The following C2CD2 variants were observed in gnomAD, a reference collection of about 807,000 sequenced individuals.
The protein encoded by C2CD2 is C2 domain-containing protein 2.
In C2CD2, 43 loss-of-function variants were observed where a neutral mutation model predicts 74.3. The ratio of observed to expected loss-of-function variants is 0.58; its 90% CI spans 0.45 to 0.75. C2CD2 has a LOEUF of 0.75. Among genes scored for constraint, C2CD2 ranks in the 30% least tolerant of loss-of-function variants. The probability of loss-of-function intolerance (pLI) is 0.00; values close to 1 mark genes in which losing one functional copy is unlikely to be tolerated. For missense variants in C2CD2, 801 were observed against 916.3 expected (o/e 0.87, Z 1.63); for synonymous variants, 422 against 390.7 (o/e 1.08, Z -0.94).
intron 6 of C2CD2, among the ~76,000 whole-genome samples, 171 bp downstream of exon 6, chr21:41,914,427 C>G (rs1368027730): frequency 6.6e-6 from 1 of 152,180 alleles, no homozygotes; most frequent in South Asian, 2.1e-4. Context: ...GGATTTTTTA[C>G]CATCTCTTGT....
rs1200675138 is a variant in C2CD2, at chr21:41,932,447, GATA to G, written c.378+9697_378+9699del. ...GGGTTGGGGAAGTCTGCCATCTACA[GATA>G]GTCAGAAGAACGGGGGCAACCCGGA... On this transcript the variant is annotated intron_variant, in intron 2 of 13. Transcript: ENST00000380486. Among the ~76,000 whole-genome samples the G allele has an allele frequency of 8.7e-4, 23 of 26,400 alleles. 2 individuals carry two copies. Among genetic ancestry groups the G allele is most frequent in the Non-Finnish European group, 5.9e-4 (6 of 10,242 alleles). 17.3% of individuals were successfully genotyped at this position (26,400 alleles called of 152,430 possible).
chr21:41,900,988 T>C (rs575910696), intron 12 of C2CD2: 205 of 152,472 alleles, frequency 1.3e-3, no homozygotes, highest in Non-Finnish European at 2.3e-3. Context: ...TCAAAATAAA[T>C]AAATAGATAG....
At position 41,885,661 on chromosome 21, in the gene C2CD2, C is replaced by A. The variant is rs370658783; in HGVS notation, c.*3463G>T. The A allele has an allele frequency of 1.3e-5, 2 of 151,998 alleles. No individual in the cohort carries two copies. The highest frequency in any genetic ancestry group is 3.0e-5 in the Non-Finnish European group (2 of 67,674). The allele number at this position is 151,998 out of a possible 1,614,324, so 9.4% of individuals were successfully genotyped here. The stretch of plus-strand genomic sequence containing the variant: ...ACGTGTCCTGCCTTCCACCATCCAC[C>A]AATTTGTACTCTGAAGTTTCCAGAT... On this transcript the variant is annotated 3_prime_UTR_variant, in exon 14 of 14. Coordinates refer to ENST00000380486, the MANE Select transcript of C2CD2 (RefSeq NM_015500.2).
chr21:41,919,485 A>G (rs147574286), intron 3 of C2CD2, among the ~76,000 whole-genome samples: 1 of 152,196 alleles, frequency 6.6e-6, no homozygotes, highest in East Asian at 1.9e-4. Context: ...CGACAACCAG[A>G]TGCCATCAAA....
intron 5 of C2CD2, among the ~76,000 whole-genome samples, chr21:41,915,989 A>G (rs1485317358): frequency 6.6e-6 from 1 of 152,016 alleles, no homozygotes; most frequent in African/African-American, 2.4e-5. Context: ...GATTTGACTG[A>G]GCACTTCTTC....
Position 41,903,675 on chromosome 21 carries a change from G to A in C2CD2, c.1433-1926C>T, listed in dbSNP as rs954029038. The stretch of plus-strand genomic sequence containing the variant: ...CCAAAGCCACCAAGGGAGACGTGTC[G>A]GGAGCACGTCCTCCTCACGCCAGGC... On this transcript the variant is annotated intron_variant, in intron 11 of 13. Coordinates refer to ENST00000380486, the MANE Select transcript of C2CD2 (RefSeq NM_015500.2). This position sits in a 1 kb window ranked among gnomAD's most constrained non-coding sequence, Gnocchi z 4.5. Among the ~76,000 whole-genome samples, 8 of 152,090 alleles carry A rather than the reference G, an allele frequency of 5.3e-5. No homozygotes were observed. The highest frequency in any genetic ancestry group is 1.0e-4 in the Non-Finnish European group (7 of 68,000).
Position 41,939,883 on chromosome 21 carries a change from C to CCTTGG in C2CD2, c.378+2259_378+2263dup, listed in dbSNP as rs2065340316. On this transcript the variant is annotated intron_variant, in intron 2 of 13. Coordinates refer to ENST00000380486, the MANE Select transcript of C2CD2 (RefSeq NM_015500.2). The surrounding 1 kb of genome is among the most constrained non-coding windows in gnomAD (Gnocchi z 5.5). ...AGTGACCCGCCAGGCTCATGCCTGC[C>CCTTGG]CTTGGGGTCCTCCGGTGCTTGTCTG... Among the ~76,000 whole-genome samples the CCTTGG allele has an allele frequency of 1.3e-5, 2 of 152,154 alleles. No homozygotes were observed. Among genetic ancestry groups the CCTTGG allele is most frequent in the African/African-American group, 4.8e-5 (2 of 41,450 alleles).
At chr21:41,922,147 G>C (rs1000373769) in intron 2 of C2CD2, 62 bp from the exon 3 acceptor site, 2 of 922,390 alleles carry the variant, frequency 2.2e-6, no homozygotes, top group Admixed American at 2.2e-5. Context: ...GCGTGCATAC[G>C]CATCTTCTTC....
In C2CD2 at chr21:41,953,481, C is replaced by T. The variant is rs2065467743; in HGVS notation, c.168G>A (p.Pro56=). The T allele has an allele frequency of 1.4e-6, 2 of 1,481,064 alleles. No homozygotes were observed. Among genetic ancestry groups the T allele is most frequent in the African/African-American group, 1.5e-5 (1 of 68,320 alleles). 91.7% of individuals were successfully genotyped at this position (1,481,064 alleles called of 1,614,324 possible). ...AGAGCAGCGCGTCGGACCCCGGGCG[C>T]GGCCCCTCTCCAGGCTCCACCGCCC... ...QRRAVEPGEG[P]RPGSDALLSW... The change falls in exon 1 of 14, where the codon CCG becomes CCA. Residue 56 remains proline (P), a synonymous_variant. Coordinates refer to ENST00000380486, the MANE Select transcript of C2CD2 (RefSeq NM_015500.2).
chr21:41,901,525 T>C (rs1383236661), intron 12 of C2CD2, 97 bp downstream of exon 12: 1 of 1,279,958 alleles, frequency 7.8e-7, no homozygotes, highest in Admixed American at 1.7e-5. Flanking sequence ...CTCTGGACGT[T>C]AACCAAGTGC....
intron 3 of C2CD2, 88 bp from the exon 4 acceptor site, chr21:41,919,048 GT>G: frequency 1.3e-6 from 1 of 757,060 alleles, no homozygotes; most frequent in Admixed American, 2.2e-5. Context: ...GTGAGCATGT[GT>G]GTGTGCATAT....
At chr21:41,927,186 G>A (rs1308997861) in intron 2 of C2CD2, among the ~76,000 whole-genome samples, 1 of 152,190 alleles carries the variant, frequency 6.6e-6, no homozygotes, top group East Asian at 1.9e-4. Context: ...TTATTTTTGA[G>A]ATGGAGTCTC....
At chr21:41,931,400 A>G (rs567121625) in intron 2 of C2CD2, among the ~76,000 whole-genome samples, 13 of 147,806 alleles carry the variant, frequency 8.8e-5, no homozygotes, top group African/African-American at 3.2e-4. Context: ...CTCCCGAGAG[A>G]TAAGAGCGTC....
chr21:41,891,276 T>G (rs1442585865), intron 13 of C2CD2, among the ~76,000 whole-genome samples: 1 of 151,760 alleles, frequency 6.6e-6, no homozygotes, highest in African/African-American at 2.4e-5. Flanking sequence ...ACAGGCCTAA[T>G]GGCACACCTG....
intron 10 of C2CD2, 53 bp downstream of exon 10, chr21:41,906,939 T>C: frequency 6.9e-7 from 1 of 1,449,298 alleles, no homozygotes; most frequent in Non-Finnish European, 9.6e-7. Flanking sequence ...GGCAAGGTGG[T>C]TACAGGCAGG....
At chr21:41,935,036 C>T (rs192538962) in intron 2 of C2CD2, among the ~76,000 whole-genome samples, 73 of 152,254 alleles carry the variant, frequency 4.8e-4, no homozygotes, top group African/African-American at 1.6e-3. Flanking sequence ...GGATTACAGG[C>T]GTGCACCACC....
At chr21:41,914,496 C>A in intron 6 of C2CD2, 102 bp downstream of exon 6, 1 of 996,108 alleles carries the variant, frequency 1.0e-6, no homozygotes, top group Non-Finnish European at 1.4e-6. Context: ...TGCACCCCCA[C>A]GGGAGGATGC....
chr21:41,934,944 T>A (rs1352540898), intron 2 of C2CD2, among the ~76,000 whole-genome samples: 1 of 152,096 alleles, frequency 6.6e-6, no homozygotes, highest in East Asian at 1.9e-4. Context: ...CAGGCTGAAG[T>A]GCAGTGGCAC....
chr21:41,920,160 C>T (rs1460892430), intron 3 of C2CD2, among the ~76,000 whole-genome samples: 1 of 151,862 alleles, frequency 6.6e-6, no homozygotes, highest in Non-Finnish European at 1.5e-5. Context: ...GAACAGACTC[C>T]CCTGTGACTG....
Sources: gnomAD v4.1 joint callset for allele counts (sites outside exome capture counted in the v4.1 genomes callset) on GRCh38, gnomAD v4.1.1 for gene constraint, Gnocchi (gnomAD v3.1) non-coding constraint, MANE v1.5 for transcripts, NCBI Gene and HGNC (gene_info 2026-07-23, HGNC 2026-07-21) for gene names.